LMX1B: variants seen among roughly 807,000 people sequenced by gnomAD.
LMX1B encodes the protein LIM homeobox transcription factor 1 beta.
Under a neutral mutation model 51.4 loss-of-function variants are expected in LMX1B, and 12 were observed. The observed-to-expected ratio is 0.23, with a 90% CI of 0.15 to 0.38. The LOEUF (loss-of-function observed/expected upper bound fraction) is 0.38. LMX1B is among the 10% of genes least tolerant of loss of function. LMX1B has a pLI of 1.00. For synonymous variants in LMX1B, 237 were observed against 235.4 expected (o/e 1.01, Z -0.06); for missense variants, 445 against 571.1 (o/e 0.78, Z 2.25).
chr9:126,679,260 G>T (rs537855223), intron 2 of LMX1B, among the ~76,000 whole-genome samples: 3 of 152,352 alleles, frequency 2.0e-5, no homozygotes, highest in African/African-American at 7.2e-5. Flanking sequence ...CACAGAACAA[G>T]TAGCTAAGTA....
intron 2 of LMX1B, among the ~76,000 whole-genome samples, chr9:126,638,687 CG>C (rs1048960454): frequency 1.3e-5 from 2 of 152,164 alleles, no homozygotes; most frequent in Non-Finnish European, 2.9e-5. Flanking sequence ...CGTGGCGCAG[CG>C]GCGGCTCGGA....
intron 2 of LMX1B, among the ~76,000 whole-genome samples, chr9:126,633,667 C>T (rs1363046618): frequency 1.3e-5 from 2 of 152,286 alleles, no homozygotes; most frequent in East Asian, 3.9e-4. Flanking sequence ...GCACATCCTC[C>T]CTGTAGCTGT....
chr9:126,674,330 C>G (rs1229324126), intron 2 of LMX1B, among the ~76,000 whole-genome samples: 1 of 152,152 alleles, frequency 6.6e-6, no homozygotes, highest in Non-Finnish European at 1.5e-5. Context: ...GCCAGGCTTT[C>G]TCAGGGCTGC....
chr9:126,680,589 G>A (rs143678933), intron 2 of LMX1B, among the ~76,000 whole-genome samples: 1 of 152,170 alleles, frequency 6.6e-6, no homozygotes, highest in Non-Finnish European at 1.5e-5. Context: ...AAGGTACCTG[G>A]GACTAGCTCA....
rs529933816 is a variant in LMX1B at position 126,645,019 on chromosome 9, G to A, written c.326+29450G>A. ...GAGCCCCCACCCTATGGAGACACTC[G>A]GCTCCCCTGTCCCACCTGGCCCAGC... On this transcript the variant is annotated intron_variant, in intron 2 of 7. Transcript: ENST00000373474. Among the ~76,000 whole-genome samples the A allele has an allele frequency of 2.6e-5, 4 of 152,244 alleles. No individual in the cohort carries two copies. In the East Asian group the frequency reaches 5.8e-4, roughly 22 times the overall value.
intron 2 of LMX1B, among the ~76,000 whole-genome samples, chr9:126,649,220 C>T (rs906333262): frequency 2.0e-5 from 3 of 152,110 alleles, no homozygotes; most frequent in Admixed American, 1.3e-4. Flanking sequence ...CTGCATCAAC[C>T]TCTTCCTGGC....
At chr9:126,656,474 C>T (rs147249558) in intron 2 of LMX1B, among the ~76,000 whole-genome samples, 1 of 152,104 alleles carries the variant, frequency 6.6e-6, no homozygotes, top group East Asian at 1.9e-4. Flanking sequence ...TCCCCAGGCT[C>T]ATGGTTTCAG....
At chr9:126,639,972 G>C (rs1835778349) in intron 2 of LMX1B, among the ~76,000 whole-genome samples, 1 of 152,194 alleles carries the variant, frequency 6.6e-6, no homozygotes, top group African/African-American at 2.4e-5. Flanking sequence ...TTATTGTTTG[G>C]CATTTTAATG....
chr9:126,614,359 C>G lies in LMX1B; in HGVS notation c.-91C>G. 4 of 1,017,722 alleles carry G rather than the reference C, an allele frequency of 3.9e-6. No homozygotes were observed. The highest frequency in any genetic ancestry group is 4.8e-6 in the Non-Finnish European group (4 of 826,870). The allele number at this position is 1,017,722 out of a possible 1,614,324, so 63.0% of individuals were successfully genotyped here. On this transcript the variant is annotated 5_prime_UTR_variant, in exon 1 of 8. Transcript: ENST00000373474. ...CCTGCCCTGCGGGGGCCGCGCCTCCCCGGTTCCAGGGCCGCGGCGGCGGAG... is the reference window on the plus strand; with the variant it reads ...CCTGCCCTGCGGGGGCCGCGCCTCCGCGGTTCCAGGGCCGCGGCGGCGGAG...
intron 2 of LMX1B, among the ~76,000 whole-genome samples, chr9:126,682,128 A>G (rs915926173): frequency 8.7e-5 from 9 of 103,596 alleles, no homozygotes; most frequent in Non-Finnish European, 1.3e-4. Context: ...GGCTTTGGCC[A>G]TTTTGCCCAG....
intron 2 of LMX1B, among the ~76,000 whole-genome samples, chr9:126,624,091 C>G (rs536599075): frequency 1.3e-5 from 2 of 152,386 alleles, no homozygotes; most frequent in Admixed American, 1.3e-4. Context: ...CGGTCCTGCC[C>G]TTTCTAAAGC....
At chr9:126,688,415 C>T (rs993341180) in intron 2 of LMX1B, among the ~76,000 whole-genome samples, 4 of 152,224 alleles carry the variant, frequency 2.6e-5, no homozygotes, top group African/African-American at 9.6e-5. Flanking sequence ...GGCGCTCCCA[C>T]GCTAGCAGCG....
intron 2 of LMX1B, among the ~76,000 whole-genome samples, chr9:126,669,285 A>T (rs886316022): frequency 6.6e-6 from 1 of 151,218 alleles, no homozygotes; most frequent in African/African-American, 2.4e-5. Context: ...AGATATGAGA[A>T]CTCCCGGCGG....
chr9:126,700,240 AAG>A lies in LMX1B; in HGVS notation c.*3790_*3791del, dbSNP rs759788455. On this transcript the variant is annotated 3_prime_UTR_variant, in exon 8 of 8. Transcript: ENST00000373474. ...CAGCACAGCCTGGAAAGAGCTCAGA[AAG>A]GGGGTTGGTGCACGTGGCTGGGCAT... 2 of 152,200 alleles carry A rather than the reference AAG, an allele frequency of 1.3e-5. No individual in the cohort carries two copies. The highest frequency in any genetic ancestry group is 2.9e-5 in the Non-Finnish European group (2 of 68,102). The allele number at this position is 152,200 out of a possible 1,614,324, so 9.4% of individuals were successfully genotyped here.
intron 2 of LMX1B, among the ~76,000 whole-genome samples, chr9:126,660,079 C>G: frequency 6.8e-6 from 1 of 146,286 alleles, no homozygotes; most frequent in South Asian, 2.2e-4. Flanking sequence ...TCTACACTGG[C>G]TTCAGAGGTT....
chr9:126,687,175 C>G (rs1428895045), intron 2 of LMX1B, among the ~76,000 whole-genome samples: 2 of 152,116 alleles, frequency 1.3e-5, no homozygotes, highest in Non-Finnish European at 2.9e-5. Context: ...TTAAATGCAT[C>G]CAGCCCCTGC....
At position 126,614,284 on chromosome 9, in the gene LMX1B, C is replaced by A. The variant is rs1835254093; in HGVS notation, c.-166C>A. On this transcript the variant is annotated 5_prime_UTR_variant, in exon 1 of 8. Coordinates refer to ENST00000373474, the MANE Select transcript of LMX1B (RefSeq NM_001174147.2). ...CCGGCCCGCCCGCACGACGCCGGGG[C>A]CCGGGGCCAGCGCGTCGCCGCTCCA... Among the ~76,000 whole-genome samples the A allele has an allele frequency of 6.9e-6, 1 of 145,428 alleles. No homozygotes were observed. The highest frequency in any genetic ancestry group is 2.5e-5 in the African/African-American group (1 of 40,516).
chr9:126,671,452 G>C lies in LMX1B; in HGVS notation c.327-19384G>C, dbSNP rs570408984. Among the ~76,000 whole-genome samples the C allele has an allele frequency of 6.6e-6, 1 of 152,180 alleles. No individual in the cohort carries two copies. Among genetic ancestry groups the C allele is most frequent in the East Asian group, 2.0e-4 (1 of 5,128 alleles). On this transcript the variant is annotated intron_variant, in intron 2 of 7. Transcript: ENST00000373474. This position sits in a 1 kb window ranked among gnomAD's most constrained non-coding sequence, Gnocchi z 4.4. ...GCCGAGGGGCCCATCTTTGTTCCGA[G>C]CAGAGCTCAGACTGCAGAGTGGCTG... is the stretch of plus-strand genomic sequence containing the variant.
intron 2 of LMX1B, among the ~76,000 whole-genome samples, chr9:126,624,837 A>G (rs1056848177): frequency 7.9e-5 from 12 of 152,204 alleles, no homozygotes; most frequent in Non-Finnish European, 1.6e-4. Flanking sequence ...TTAAATGCCA[A>G]TTATAGGCGA....
Sources: allele counts gnomAD v4.1 joint callset (sites outside exome capture counted in the v4.1 genomes callset), GRCh38; gene constraint gnomAD v4.1.1; non-coding constraint Gnocchi (gnomAD v3.1); transcripts MANE v1.5; gene names NCBI Gene and HGNC (gene_info 2026-07-23, HGNC 2026-07-21).